ATP2B2: variants seen among roughly 807,000 people sequenced by gnomAD.
The protein encoded by ATP2B2 is ATPase plasma membrane Ca2+ transporting 2.
ATP2B2 carries 15 observed loss-of-function variants against 120.0 expected under a neutral mutation model. The observed-to-expected ratio is 0.12, with a 90% CI of 0.08 to 0.19. The LOEUF is 0.19. ATP2B2 is among the 10% of genes least tolerant of loss of function. The pLI is 1.00. For missense variants in ATP2B2, 1,045 were observed against 1,719.8 expected, an observed-to-expected ratio of 0.61 and a Z score of 6.94; for synonymous variants, 694 against 700.3, an observed-to-expected ratio of 0.99 and a Z score of 0.14.
rs773281872 is a variant in ATP2B2 at position 10,410,788 on chromosome 3, T to C, written c.227A>G (p.Glu76Gly). Residue 76 changes from glutamate (E) to glycine (G), a missense_variant, in exon 3 of 23, where the codon GAA (glutamate) becomes GGA (glycine). Glu to Gly is a moderately conservative substitution (Grantham distance 98). Coordinates refer to ENST00000360273, the MANE Select transcript of ATP2B2 (RefSeq NM_001001331.4). Reference protein sequence around the residue: ...EGLPGTAPDLEKRKQIFGQNF... With the variant: ...EGLPGTAPDLGKRKQIFGQNF... Reference sequence around the variant, plus strand: ...TTGCCCAAAAATTTGCTTTCTCTTTTCCAGGTCTGGAGCGGTGCCCGGCAA... The same window carrying C: ...TTGCCCAAAAATTTGCTTTCTCTTTCCCAGGTCTGGAGCGGTGCCCGGCAA... The C allele has an allele frequency of 6.8e-6, 11 of 1,614,028 alleles. No homozygotes were observed. The African/African-American group carries it at 1.3e-4, about 20-fold the overall frequency.
At chr3:10,680,918 T>C (rs768551643) in intron 1 of ATP2B2, among the ~76,000 whole-genome samples, 4 of 152,140 alleles carry the variant, frequency 2.6e-5, no homozygotes, top group African/African-American at 9.7e-5. Flanking sequence ...GGTGACTGAA[T>C]GGTGGCGGCA....
chr3:10,609,602 C>T (rs2069175644), intron 2 of ATP2B2, among the ~76,000 whole-genome samples: 1 of 152,180 alleles, frequency 6.6e-6, no homozygotes, highest in Admixed American at 6.5e-5. Context: ...CAGGTGTGTG[C>T]AAGGGGAGGC....
At chr3:10,379,367 A>G in intron 8 of ATP2B2, 83 bp from the exon 9 acceptor site, 1 of 1,463,550 alleles carries the variant, frequency 6.8e-7, no homozygotes, top group East Asian at 2.3e-5. Flanking sequence ...GGCCACAGAC[A>G]TTAATGTCAC....
At chr3:10,616,041 T>C (rs2069376473) in intron 2 of ATP2B2, among the ~76,000 whole-genome samples, 1 of 152,114 alleles carries the variant, frequency 6.6e-6, no homozygotes, top group African/African-American at 2.4e-5. Context: ...AGACATGAGT[T>C]TTCCTTCCAC....
upstream of ATP2B2, among the ~76,000 whole-genome samples, chr3:10,510,115 G>A (rs2066730382): frequency 6.6e-6 from 1 of 152,184 alleles, no homozygotes; most frequent in African/African-American, 2.4e-5. Flanking sequence ...GCTGAGGCTG[G>A]TCTGGTCTCT....
chr3:10,650,961 T>C (rs916403707), intron 1 of ATP2B2, among the ~76,000 whole-genome samples: 2 of 152,370 alleles, frequency 1.3e-5, no homozygotes, highest in South Asian at 4.1e-4. Context: ...TTGACTGCCC[T>C]GCTGGATTTT....
chr3:10,506,808 C>T (rs1040294299), upstream of ATP2B2, among the ~76,000 whole-genome samples: 1 of 152,194 alleles, frequency 6.6e-6, no homozygotes, highest in Non-Finnish European at 1.5e-5. Context: ...CTTTCCCCTG[C>T]CCCCACCTCC....
chr3:10,545,443 C>T (rs950640305), intron 2 of ATP2B2, among the ~76,000 whole-genome samples: 6 of 151,726 alleles, frequency 4.0e-5, no homozygotes, highest in Admixed American at 1.3e-4. Context: ...GCGAGAGAAT[C>T]GCTTGAACTC....
At chr3:10,597,051 ACACACACAGGGC>A (rs2068784109) in intron 2 of ATP2B2, among the ~76,000 whole-genome samples, 1 of 123,272 alleles carries the variant, frequency 8.1e-6, no homozygotes, top group South Asian at 2.8e-4. Flanking sequence ...ACAGGTGCGC[ACACACACAGGGC>A]CACACACACA....
chr3:10,470,955 GGCCTTGCCTCAGAGC>G (rs931736098), intron 1 of ATP2B2, among the ~76,000 whole-genome samples: 1 of 152,232 alleles, frequency 6.6e-6, no homozygotes, highest in African/African-American at 2.4e-5. Flanking sequence ...GGGGACAACA[GGCCTTGCCTCAGAGC>G]GATGGCTGGA....
rs559418351 is a variant in ATP2B2, at chr3:10,606,949, AGG to A, written c.-415+12966_-415+12967del. ...GAGAGAGAGAGAGAGGGAGAGGGAGAGGGGGAGGGGGGGAGAGAGAGAGAGAG... is the reference window on the plus strand; with the variant it reads ...GAGAGAGAGAGAGAGGGAGAGGGAGAGGGAGGGGGGGAGAGAGAGAGAGAG... On this transcript the variant is annotated intron_variant, in intron 2 of 21. Transcript: ENST00000646379. 7.1e-3 allele frequency among the ~76,000 whole-genome samples: 463 copies of A among 65,084 alleles called. 6 individuals are homozygous for A. Among genetic ancestry groups the A allele is most frequent in the African/African-American group, 0.05 (393 of 7,868 alleles). 42.7% of individuals were successfully genotyped at this position (65,084 alleles called of 152,430 possible).
intron 1 of ATP2B2, among the ~76,000 whole-genome samples, chr3:10,648,405 A>G (rs2070374304): frequency 6.6e-6 from 1 of 152,182 alleles, no homozygotes; most frequent in African/African-American, 2.4e-5. Context: ...TCCTCCCAGC[A>G]TCAATGTGGG....
chr3:10,365,576 C>T (rs1428850084), intron 12 of ATP2B2, among the ~76,000 whole-genome samples: 1 of 150,790 alleles, frequency 6.6e-6, no homozygotes, highest in Non-Finnish European at 1.5e-5. Context: ...CCTTCCCCAG[C>T]TCACCAGTGC....
chr3:10,378,097 T>A (rs958487928), intron 10 of ATP2B2, among the ~76,000 whole-genome samples, 155 bp downstream of exon 10: 6 of 152,234 alleles, frequency 3.9e-5, no homozygotes, highest in African/African-American at 1.4e-4. Context: ...TACACAGGAC[T>A]CAGACTGGGT....
At chr3:10,664,954 A>G (rs2070889206) in intron 1 of ATP2B2, among the ~76,000 whole-genome samples, 1 of 152,054 alleles carries the variant, frequency 6.6e-6, no homozygotes, top group African/African-American at 2.4e-5. Context: ...CCAATGTCAA[A>G]GGTGCTCTCA....
intron 2 of ATP2B2, among the ~76,000 whole-genome samples, chr3:10,590,486 A>T (rs2068617617): frequency 6.6e-6 from 1 of 152,234 alleles, no homozygotes; most frequent in Non-Finnish European, 1.5e-5. Context: ...TGAAGGCTCC[A>T]GGGCCACCTC....
At position 10,423,594 on chromosome 3, in the gene ATP2B2, A is replaced by T. The variant is rs1468455031; in HGVS notation, c.200-12779T>A. Among the ~76,000 whole-genome samples, 7 of 152,222 alleles carry T rather than the reference A, an allele frequency of 4.6e-5. No individual in the cohort carries two copies. In the South Asian group the frequency reaches 1.4e-3, roughly 32 times the overall value. ...GAGGTCTTTGTCTCAGCCCTTTGGG[A>T]AAATGGAGGCCAGAAAAGCCCCTTA... is the stretch of plus-strand genomic sequence containing the variant. On this transcript the variant is annotated intron_variant, in intron 2 of 22. Transcript: ENST00000360273.
At chr3:10,407,626 G>C (rs1228298431) in intron 3 of ATP2B2, among the ~76,000 whole-genome samples, 1 of 152,176 alleles carries the variant, frequency 6.6e-6, no homozygotes, top group Non-Finnish European at 1.5e-5. Flanking sequence ...ACATGGCAGG[G>C]GCTGGAGGCA....
At chr3:10,660,281 A>G (rs1295871040) in intron 1 of ATP2B2, among the ~76,000 whole-genome samples, 7 of 152,190 alleles carry the variant, frequency 4.6e-5, no homozygotes. Flanking sequence ...GACACAAAAA[A>G]CCCTTCAAAA....
Sources: allele counts gnomAD v4.1 joint callset (sites outside exome capture counted in the v4.1 genomes callset), GRCh38; gene constraint gnomAD v4.1.1; transcripts MANE v1.5; gene names NCBI Gene and HGNC (gene_info 2026-07-23, HGNC 2026-07-21).